MYO5B: variants seen among roughly 807,000 people sequenced by gnomAD.
MYO5B encodes the protein myosin VB.
In MYO5B, 143 loss-of-function variants were observed where a neutral mutation model predicts 229.3. The observed-to-expected ratio is 0.62, with a 90% confidence interval of 0.54 to 0.72. MYO5B has a LOEUF of 0.72. Among genes scored for constraint, MYO5B ranks in the 30% least tolerant of loss-of-function variants. MYO5B has a pLI of 0.00. For synonymous variants in MYO5B, 918 were observed against 885.2 expected (o/e 1.04, Z -0.66); for missense variants, 2,321 against 2,331.0 (o/e 1.00, Z 0.09).
At chr18:50,150,307 T>A (rs9789099) in intron 1 of MYO5B, among the ~76,000 whole-genome samples, 11,397 of 129,952 alleles carry the variant, frequency 0.088, 527 homozygotes, top group East Asian at 0.17. Flanking sequence ...TAGAAATACC[T>A]TTTGACCCAG....
rs2024365984 is a variant in MYO5B at position 49,864,146 on chromosome 18, T to C, written c.3838A>G (p.Asn1280Asp). 1.7e-5 allele frequency: 27 copies of C among 1,608,656 alleles called. No homozygotes were observed. Among genetic ancestry groups the C allele is most frequent in the Non-Finnish European group, 2.0e-5 (24 of 1,179,882 alleles). ...GCGGGCCGCCATCTTGTTACCGCGT[T>C]CCTGCCGGCGAGTCGCCGCTGGTCG... ...SADQRRLAGR[N>D]AEPNINARSS... is the part of the protein sequence containing the mutation. The change falls in exon 28 of 40, where the codon AAC becomes GAC. Residue 1280 changes from asparagine (N) to aspartate (D), a missense_variant. Physicochemically the swap from Asn to Asp is conservative, Grantham distance 23. This residue lies in a region of MYO5B where 2,113 missense variants were observed against 2,044.7 expected (regional missense o/e 1.03). Transcript: ENST00000285039.
intron 14 of MYO5B, among the ~76,000 whole-genome samples, chr18:49,951,538 G>T (rs538153393): frequency 1.3e-5 from 2 of 152,254 alleles, no homozygotes; most frequent in East Asian, 3.9e-4. Context: ...ATTAATAAAA[G>T]ATAACCTGCT....
chr18:50,185,538 T>C (rs2033136423), intron 1 of MYO5B, among the ~76,000 whole-genome samples: 1 of 152,214 alleles, frequency 6.6e-6, no homozygotes, highest in African/African-American at 2.4e-5. Flanking sequence ...GGATCTTGAA[T>C]GTTTCTAATG....
At chr18:49,915,750 T>C (rs1337070073) in intron 17 of MYO5B, among the ~76,000 whole-genome samples, 2 of 152,214 alleles carry the variant, frequency 1.3e-5, no homozygotes, top group Non-Finnish European at 2.9e-5. Flanking sequence ...TGACCCATAC[T>C]TGAACAACTT....
chr18:49,921,429 G>A (rs2025074518), intron 17 of MYO5B, among the ~76,000 whole-genome samples: 2 of 152,130 alleles, frequency 1.3e-5, no homozygotes. Flanking sequence ...GGAGCTGGGT[G>A]ACGGGTGGAA....
At chr18:49,986,397 GACTA>G (rs1405812933) in intron 7 of MYO5B, among the ~76,000 whole-genome samples, 1 of 152,166 alleles carries the variant, frequency 6.6e-6, no homozygotes, top group African/African-American at 2.4e-5. Flanking sequence ...ACCCCAGTCT[GACTA>G]CACAACCTGA....
At chr18:49,843,214 C>A (rs983099393) in intron 34 of MYO5B, 27 bp downstream of exon 34, 3 of 1,612,968 alleles carry the variant, frequency 1.9e-6, no homozygotes, top group Non-Finnish European at 2.5e-6. Flanking sequence ...CCACCACAAA[C>A]CATGACCTTC....
At position 49,864,423 on chromosome 18, in the gene MYO5B, AG is replaced by A. The variant is rs768744632; in HGVS notation, c.3604-44del. On this transcript the variant is annotated intron_variant, in intron 27 of 39. Transcript: ENST00000285039. Reference sequence around the variant, plus strand: ...GGCCGCTGCCATTACTCCCTGCCCTAGGGCTCTCTCCCTGTGTGGGCCTCCC... The same window carrying A: ...GGCCGCTGCCATTACTCCCTGCCCTAGGCTCTCTCCCTGTGTGGGCCTCCC... 3.1e-5 allele frequency: 50 copies of A among 1,607,442 alleles called. 1 individual carries two copies. In the South Asian group the frequency reaches 4.9e-4, roughly 16 times the overall value.
At chr18:50,143,965 G>C (rs906225224) in intron 1 of MYO5B, among the ~76,000 whole-genome samples, 1 of 152,186 alleles carries the variant, frequency 6.6e-6, no homozygotes, top group Non-Finnish European at 1.5e-5. Flanking sequence ...TAGCCGGACA[G>C]AATGTTATCA....
intron 1 of MYO5B, among the ~76,000 whole-genome samples, chr18:50,090,650 C>A (rs2031428514): frequency 6.6e-6 from 1 of 152,146 alleles, no homozygotes; most frequent in Admixed American, 6.5e-5. Context: ...TTCTGTAAGC[C>A]AAGGTTTACA....
intron 1 of MYO5B, among the ~76,000 whole-genome samples, chr18:50,162,825 AT>A (rs2032788842): frequency 6.6e-6 from 1 of 152,088 alleles, no homozygotes; most frequent in Non-Finnish European, 1.5e-5. Flanking sequence ...CAGGCAACAA[AT>A]CTTTCAGCTA....
intron 2 of MYO5B, among the ~76,000 whole-genome samples, chr18:50,046,506 G>A (rs1014505609): frequency 3.9e-5 from 6 of 152,160 alleles, no homozygotes; most frequent in Non-Finnish European, 1.5e-5. Context: ...ATTGGCTGAA[G>A]GTTTTTAACT....
At position 49,990,494 on chromosome 18, in the gene MYO5B, G is replaced by T. The variant is rs1169632778; in HGVS notation, c.783C>A (p.Ile261=). 2 of 1,613,794 alleles carry T rather than the reference G, an allele frequency of 1.2e-6. No homozygotes were observed. Among genetic ancestry groups the T allele is most frequent in the Admixed American group, 1.7e-5 (1 of 59,998 alleles). ...CGGCAGCAGCACAGAGCTGGTAAAA[G>T]ATGTGGTAATTCCTCTCATCATCTG... ...FQADDERNYH[I]FYQLCAAAGL... The change falls in exon 7 of 40, where the codon ATC becomes ATA. Residue 261 remains isoleucine, a synonymous_variant. Transcript: ENST00000285039.
At chr18:50,078,214 T>G (rs960072093) in intron 1 of MYO5B, among the ~76,000 whole-genome samples, 1 of 152,308 alleles carries the variant, frequency 6.6e-6, no homozygotes, top group Admixed American at 6.5e-5. Context: ...GAAAGGAAAT[T>G]GATCAGCACT....
In MYO5B at chr18:49,849,561, C is replaced by T. The variant is rs939947074; in HGVS notation, c.4315+6G>A. 34 of 1,602,622 alleles carry T rather than the reference C, an allele frequency of 2.1e-5. No individual in the cohort carries two copies. Among genetic ancestry groups the T allele is most frequent in the Non-Finnish European group, 2.6e-5 (31 of 1,170,968 alleles). On this transcript the variant is annotated splice_donor_region_variant and intron_variant, in intron 32 of 39. Coordinates refer to ENST00000285039, the MANE Select transcript of MYO5B (RefSeq NM_001080467.3). ...TCACAAAACACACTCACTCACACCCCCCTACCTTCTAGGTCCTGGGCTTTC... is the reference window on the plus strand; with the variant it reads ...TCACAAAACACACTCACTCACACCCTCCTACCTTCTAGGTCCTGGGCTTTC...
chr18:49,936,169 C>A (rs2025247252), intron 16 of MYO5B, 83 bp downstream of exon 16: 1 of 1,193,944 alleles, frequency 8.4e-7, no homozygotes, highest in South Asian at 1.3e-5. Context: ...AGGCCACAGA[C>A]CCCCAGGCAA....
intron 4 of MYO5B, among the ~76,000 whole-genome samples, chr18:50,008,941 T>C (rs1240112532): frequency 2.0e-5 from 3 of 152,172 alleles, no homozygotes; most frequent in Admixed American, 1.3e-4. Context: ...AGGACTATGC[T>C]AGAGAATACA....
intron 14 of MYO5B, among the ~76,000 whole-genome samples, chr18:49,939,387 G>T (rs538853161): frequency 6.6e-6 from 1 of 151,974 alleles, no homozygotes; most frequent in Admixed American, 6.6e-5. Context: ...CTCGTGATCC[G>T]CCCGCCTCGG....
At chr18:50,048,769 T>C (rs1368122557) in intron 2 of MYO5B, among the ~76,000 whole-genome samples, 1 of 152,106 alleles carries the variant, frequency 6.6e-6, no homozygotes, top group Non-Finnish European at 1.5e-5. Context: ...ATGCCTGTAA[T>C]CCCAGCACTT....
Sources: gnomAD v4.1 joint callset for allele counts (sites outside exome capture counted in the v4.1 genomes callset) on GRCh38, gnomAD v4.1.1 for gene constraint, gnomAD v4.1.1 regional missense constraint, MANE v1.5 for transcripts, NCBI Gene and HGNC (gene_info 2026-07-23, HGNC 2026-07-21) for gene names.